Variants in DPH6 observed in about 807,000 individuals in gnomAD.
The protein encoded by DPH6 is diphthamine biosynthesis 6, also known as diphthine--ammonia ligase.
In DPH6, 33 loss-of-function variants were observed where a neutral mutation model predicts 38.2. The observed-to-expected ratio is 0.86, with a 90% CI of 0.65 to 1.15. DPH6 has a LOEUF of 1.15. DPH6 is among the 50% of genes most tolerant of loss of function. DPH6 has a pLI of 0.00. For synonymous variants in DPH6, 108 were observed against 103.0 expected, an observed-to-expected ratio of 1.05 and a Z score of -0.30; for missense variants, 325 against 320.0, an observed-to-expected ratio of 1.02 and a Z score of -0.12.
chr15:35,542,966 A>ATAT (rs60056293), intron 1 of DPH6, among the ~76,000 whole-genome samples: 10 of 65,816 alleles, frequency 1.5e-4, no homozygotes, highest in Admixed American at 3.8e-4. Context: ...ATATATATAT[A>ATAT]AAATAATTTC....
At chr15:35,482,195 A>G (rs1420874668) in intron 3 of DPH6, among the ~76,000 whole-genome samples, 1 of 152,218 alleles carries the variant, frequency 6.6e-6, no homozygotes, top group Non-Finnish European at 1.5e-5. Flanking sequence ...AACGAACTGA[A>G]AAAACCAGTG....
At chr15:35,465,968 T>C (rs1298146492) in intron 3 of DPH6, among the ~76,000 whole-genome samples, 3 of 152,204 alleles carry the variant, frequency 2.0e-5, no homozygotes. Context: ...TCAACCTACA[T>C]GTGAAACTAA....
chr15:35,257,427 T>C (rs2051715684), intron 3 of DPH6, among the ~76,000 whole-genome samples: 1 of 152,146 alleles, frequency 6.6e-6, no homozygotes. Flanking sequence ...GATCCGCACT[T>C]CTTCAAAAGG....
exon 4 of DPH6, chr15:35,219,530 C>A (rs1160620394): frequency 6.6e-6 from 1 of 152,150 alleles, no homozygotes; most frequent in Admixed American, 6.5e-5. Flanking sequence ...ATATGTCAGA[C>A]TATTTTTAAT....
chr15:35,218,670 A>G (rs919937380), exon 4 of DPH6: 1 of 152,132 alleles, frequency 6.6e-6, no homozygotes, highest in Non-Finnish European at 1.5e-5. Context: ...GGACTCTCTT[A>G]TTTAGCTAAC....
the DPH6 span, among the ~76,000 whole-genome samples, chr15:35,164,240 C>T: frequency 6.6e-6 from 1 of 151,770 alleles, no homozygotes; most frequent in Non-Finnish European, 1.5e-5. Context: ...ATTCCTAACC[C>T]ATTGCTGCTA....
chr15:35,154,801 T>C, the DPH6 span, among the ~76,000 whole-genome samples: 1 of 152,126 alleles, frequency 6.6e-6, no homozygotes, highest in Admixed American at 6.6e-5. Context: ...TCTGAGGCCC[T>C]GGAGACTCAT....
At chr15:35,392,487 CA>C (rs1331723723) in intron 6 of DPH6, among the ~76,000 whole-genome samples, 1 of 151,512 alleles carries the variant, frequency 6.6e-6, no homozygotes, top group Non-Finnish European at 1.5e-5. Context: ...ACAAAAATCG[CA>C]ATTTCATTTT....
chr15:35,506,933 T>C (rs1425732166), intron 3 of DPH6, among the ~76,000 whole-genome samples: 1 of 137,946 alleles, frequency 7.2e-6, no homozygotes, highest in East Asian at 2.2e-4. Flanking sequence ...AGTGACAGTG[T>C]TAAAAAATAT....
chr15:35,543,258 TAATATATATATATATATA>T lies in DPH6; in HGVS notation c.24-769_24-752del, dbSNP rs1230218207. Among the ~76,000 whole-genome samples the T allele has an allele frequency of 4.9e-4, 45 of 92,628 alleles. 1 individual carries two copies. The highest frequency in any genetic ancestry group is 1.1e-3 in the African/African-American group (24 of 22,358). The allele number at this position is 92,628 out of a possible 152,430, so 60.8% of individuals were successfully genotyped here. ...CATACATATAGTACACACATACACATAATATATATATATATATATATATATATATATATATATATATAT... is the reference window on the plus strand; with the variant it reads ...CATACATATAGTACACACATACACATTATATATATATATATATATATATAT... On this transcript the variant is annotated intron_variant, in intron 1 of 8. Coordinates refer to ENST00000256538, the MANE Select transcript of DPH6 (RefSeq NM_080650.4).
In DPH6 at chr15:35,385,673, T is replaced by C. The variant is rs538101572; in HGVS notation, c.568-3757A>G. Among the ~76,000 whole-genome samples, 8 of 151,932 alleles carry C rather than the reference T, an allele frequency of 5.3e-5. No homozygotes were observed. In the South Asian group the frequency reaches 6.2e-4, roughly 12 times the overall value. On this transcript the variant is annotated intron_variant, in intron 6 of 8. Coordinates refer to ENST00000256538, the MANE Select transcript of DPH6 (RefSeq NM_080650.4). ...AGAAATACCTAATGTAGATAACAGG[T>C]TGATGGTTGCAGCAAACCACCATGG...
chr15:35,417,649 A>G (rs1193446332), intron 5 of DPH6, among the ~76,000 whole-genome samples: 1 of 152,092 alleles, frequency 6.6e-6, no homozygotes. Context: ...ATATACCAAT[A>G]TATTTGCACT....
intron 3 of DPH6, among the ~76,000 whole-genome samples, chr15:35,277,058 G>A (rs997493730): frequency 2.6e-5 from 4 of 152,200 alleles, no homozygotes; most frequent in Admixed American, 2.0e-4. Context: ...ACCCATCCAT[G>A]AGCATGGAAC....
chr15:35,376,654 G>A (rs2052784738), intron 7 of DPH6, among the ~76,000 whole-genome samples: 1 of 152,074 alleles, frequency 6.6e-6, no homozygotes, highest in Non-Finnish European at 1.5e-5. Context: ...CTTCATTCAT[G>A]TTAAGTGCCC....
chr15:35,150,312 A>C, the DPH6 span, among the ~76,000 whole-genome samples: 1 of 152,196 alleles, frequency 6.6e-6, no homozygotes, highest in African/African-American at 2.4e-5. Context: ...AGATGGTGCA[A>C]TTTAATAAAA....
intron 3 of DPH6, among the ~76,000 whole-genome samples, chr15:35,527,552 G>A (rs1186219951): frequency 2.6e-5 from 4 of 152,080 alleles, no homozygotes; most frequent in African/African-American, 9.7e-5. Flanking sequence ...TACTACAAGA[G>A]AGTTAAAATG....
chr15:35,422,485 T>C (rs747121182), intron 5 of DPH6, among the ~76,000 whole-genome samples: 1 of 151,950 alleles, frequency 6.6e-6, no homozygotes, highest in Admixed American at 6.6e-5. Context: ...TTGATGACTT[T>C]ATATATGCAA....
chr15:35,152,052 T>C, the DPH6 span, among the ~76,000 whole-genome samples: 1 of 152,240 alleles, frequency 6.6e-6, no homozygotes, highest in East Asian at 1.9e-4. Flanking sequence ...TAAGTGTACA[T>C]ATAGCTCACA....
intron 3 of DPH6, among the ~76,000 whole-genome samples, chr15:35,272,791 C>T (rs961539061): frequency 6.6e-6 from 1 of 151,958 alleles, no homozygotes; most frequent in Non-Finnish European, 1.5e-5. Flanking sequence ...GCCTTAATTC[C>T]AGCTACTCTG....
Sources: gnomAD v4.1 joint callset for allele counts (sites outside exome capture counted in the v4.1 genomes callset) on GRCh38, gnomAD v4.1.1 for gene constraint, MANE v1.5 for transcripts, NCBI Gene and HGNC (gene_info 2026-07-23, HGNC 2026-07-21) for gene names.